THSD4: variants seen among roughly 807,000 people sequenced by gnomAD.
THSD4 encodes the protein thrombospondin type-1 domain-containing protein 4.
THSD4 carries 69 observed loss-of-function variants against 119.0 expected under a neutral mutation model. That is an observed-to-expected ratio of 0.58 (90% CI 0.48 to 0.71). THSD4 has a LOEUF of 0.71. Among genes scored for constraint, THSD4 ranks in the 30% least tolerant of loss-of-function variants. THSD4 has a pLI of 0.00. For missense variants in THSD4, 1,393 were observed against 1,391.1 expected (o/e 1.00, Z -0.02); for synonymous variants, 524 against 540.4 (o/e 0.97, Z 0.42).
rs111447192 is a variant in THSD4, at chr15:71,671,310, C to T, written c.1357+10576C>T. 9.4e-3 allele frequency among the ~76,000 whole-genome samples: 1,434 copies of T among 152,226 alleles called. 22 individuals carry two copies. The highest frequency in any genetic ancestry group is 0.033 in the African/African-American group (1,356 of 41,530). On this transcript the variant is annotated intron_variant, in intron 8 of 17. Coordinates refer to ENST00000261862, the MANE Select transcript of THSD4 (RefSeq NM_024817.3). ...TTGAGAAGTGTCTGTTCATATCCTT[C>T]GCCCACTTTTTGATGGAGTTGTTTG...
At chr15:71,109,032 A>G (rs575754731) in intron 1 of THSD4, among the ~76,000 whole-genome samples, 1 of 152,312 alleles carries the variant, frequency 6.6e-6, no homozygotes, top group South Asian at 2.1e-4. Context: ...ACAAAAAAAC[A>G]AAAAGAGAAA....
intron 7 of THSD4, among the ~76,000 whole-genome samples, chr15:71,634,141 C>T (rs1595810775): frequency 1.3e-5 from 2 of 150,610 alleles, no homozygotes. Flanking sequence ...GAGCCGAGAT[C>T]GCACCATTGC....
intron 16 of THSD4, among the ~76,000 whole-genome samples, chr15:71,770,315 G>A (rs2053797725): frequency 7.8e-6 from 1 of 127,716 alleles, no homozygotes; most frequent in Admixed American, 8.7e-5. Context: ...AATAATTCCA[G>A]CATGTGTATG....
chr15:71,182,314 T>C (rs2141424922), intron 3 of THSD4, among the ~76,000 whole-genome samples: 1 of 151,878 alleles, frequency 6.6e-6, no homozygotes, highest in East Asian at 1.9e-4. Flanking sequence ...GAAAAATAAA[T>C]ACATTATAAA....
intron 7 of THSD4, among the ~76,000 whole-genome samples, chr15:71,572,698 A>G (rs2049380087): frequency 6.6e-6 from 1 of 152,124 alleles, no homozygotes; most frequent in Admixed American, 6.5e-5. Flanking sequence ...TAATCTTAGG[A>G]TTCTGTGTGT....
intron 3 of THSD4, among the ~76,000 whole-genome samples, chr15:71,166,131 C>A (rs1053802639): frequency 2.0e-5 from 3 of 152,070 alleles, no homozygotes; most frequent in African/African-American, 7.2e-5. Flanking sequence ...AGGGTTTCCC[C>A]ACTGTGAAGT....
rs150821811 is a variant in THSD4, at chr15:71,295,040, G to A, written c.1015+38325G>A. Among the ~76,000 whole-genome samples the A allele has an allele frequency of 6.6e-5, 10 of 152,076 alleles. No homozygotes were observed. The East Asian group carries it at 1.7e-3, about 27-fold the overall frequency. On this transcript the variant is annotated intron_variant, in intron 6 of 17. Coordinates refer to ENST00000261862, the MANE Select transcript of THSD4 (RefSeq NM_024817.3). ...ATTGGGGTGGGTGAGTGGCGCTTGC[G>A]TCAGGGAATGTGAGTGCCCTGCAGG...
At chr15:71,763,746 C>T (rs566111740) in intron 15 of THSD4, among the ~76,000 whole-genome samples, 97 of 151,932 alleles carry the variant, frequency 6.4e-4, no homozygotes, top group Non-Finnish European at 8.8e-4. Context: ...CGCCTGGCCC[C>T]CGTCTCTAAA....
chr15:71,779,738 G>GAAA lies in THSD4; in HGVS notation c.*2366_*2367insAAA. 1 of 152,116 alleles carries GAAA rather than the reference G, an allele frequency of 6.6e-6. No homozygotes were observed. Among genetic ancestry groups the GAAA allele is most frequent in the African/African-American group, 2.4e-5 (1 of 41,420 alleles). 9.4% of individuals were successfully genotyped at this position (152,116 alleles called of 1,614,324 possible). A position where few individuals can be genotyped will look rare whatever the true frequency, so the allele number is the denominator to read the frequency against. On this transcript the variant is annotated 3_prime_UTR_variant, in exon 18 of 18. Coordinates refer to ENST00000261862, the MANE Select transcript of THSD4 (RefSeq NM_024817.3). ...GTTACCTAACCATTCTTTAAAAGGAGAATGACCCTCCATGGGAATGGCCAG... is the reference window on the plus strand; with the variant it reads ...GTTACCTAACCATTCTTTAAAAGGAGAAAAATGACCCTCCATGGGAATGGCCAG...
chr15:71,165,177 G>C, intron 3 of THSD4: 1 of 1,584,382 alleles, frequency 6.3e-7, no homozygotes, highest in Non-Finnish European at 8.7e-7. Flanking sequence ...TCCCCTTTGG[G>C]AGGGATGTAG....
At chr15:71,642,888 C>T (rs1351386865) in intron 7 of THSD4, among the ~76,000 whole-genome samples, 8 of 152,054 alleles carry the variant, frequency 5.3e-5, no homozygotes, top group Admixed American at 2.0e-4. Context: ...CAGCATGGCA[C>T]ATGTATACAT....
chr15:71,249,257 C>T (rs373725607), intron 5 of THSD4, among the ~76,000 whole-genome samples: 8 of 151,810 alleles, frequency 5.3e-5, no homozygotes, highest in Admixed American at 3.9e-4. Context: ...TATATACACA[C>T]GAGAATTGTT....
intron 6 of THSD4, among the ~76,000 whole-genome samples, chr15:71,344,704 T>A (rs2045631557): frequency 6.6e-6 from 1 of 152,302 alleles, no homozygotes; most frequent in Admixed American, 6.5e-5. Flanking sequence ...CATTCTTTCA[T>A]AATCAGAAAA....
At chr15:71,524,524 A>G (rs2048487938) in intron 7 of THSD4, among the ~76,000 whole-genome samples, 2 of 149,894 alleles carry the variant, frequency 1.3e-5, no homozygotes, top group South Asian at 2.1e-4. Flanking sequence ...ATGACTTGTA[A>G]TGTCTGCCAT....
At chr15:71,677,757 TG>T (rs35264620) in intron 8 of THSD4, among the ~76,000 whole-genome samples, 1 of 152,240 alleles carries the variant, frequency 6.6e-6, no homozygotes, top group African/African-American at 2.4e-5. Context: ...TGTTTGTACA[TG>T]GATTTGTCTT....
chr15:71,490,154 G>A (rs1008966187), intron 7 of THSD4, among the ~76,000 whole-genome samples: 4 of 152,134 alleles, frequency 2.6e-5, no homozygotes, highest in Non-Finnish European at 5.9e-5. Flanking sequence ...GGCCAGGTGT[G>A]GTGGCTCACA....
At chr15:71,561,128 C>G (rs1210371256) in intron 7 of THSD4, among the ~76,000 whole-genome samples, 1 of 152,042 alleles carries the variant, frequency 6.6e-6, no homozygotes, top group Non-Finnish European at 1.5e-5. Flanking sequence ...GCGCCTGCCA[C>G]CACACCCGGC....
chr15:71,136,582 A>T (rs1008718220), intron 1 of THSD4, among the ~76,000 whole-genome samples: 2 of 151,172 alleles, frequency 1.3e-5, no homozygotes, highest in African/African-American at 4.8e-5. Flanking sequence ...CTTGCCAGTG[A>T]GTCACTTCCC....
At chr15:71,351,665 G>A (rs1257026997) in intron 6 of THSD4, among the ~76,000 whole-genome samples, 1 of 152,226 alleles carries the variant, frequency 6.6e-6, no homozygotes, top group Non-Finnish European at 1.5e-5. Context: ...GATCTCCAAT[G>A]TCTTATTGAG....
Sources: allele counts gnomAD v4.1 joint callset (sites outside exome capture counted in the v4.1 genomes callset), GRCh38; gene constraint gnomAD v4.1.1; transcripts MANE v1.5; gene names NCBI Gene and HGNC (gene_info 2026-07-23, HGNC 2026-07-21).